Variants in INPP1 observed in about 807,000 individuals in gnomAD.
INPP1 encodes the protein inositol polyphosphate 1-phosphatase.
Under a neutral mutation model 23.0 loss-of-function variants are expected in INPP1, and 18 were observed. That is an observed-to-expected ratio of 0.78 (90% CI 0.54 to 1.16). INPP1 has a LOEUF of 1.16. Among genes scored for constraint, INPP1 ranks in the 50% most tolerant of loss-of-function variants. INPP1 has a pLI of 0.00. For missense variants in INPP1, 448 were observed against 482.1 expected, an observed-to-expected ratio of 0.93 and a Z score of 0.66; for synonymous variants, 164 against 176.3, an observed-to-expected ratio of 0.93 and a Z score of 0.55.
chr2:190,349,136 C>G (rs1460803983), intron 2 of INPP1, 105 bp downstream of exon 2: 4 of 152,160 alleles, frequency 2.6e-5, no homozygotes, highest in African/African-American at 9.7e-5. Context: ...ATGTTACATT[C>G]AAAATAGATT....
At chr2:190,351,885 TC>T (rs1318058208) in intron 2 of INPP1, among the ~76,000 whole-genome samples, 4 of 152,218 alleles carry the variant, frequency 2.6e-5, no homozygotes, top group African/African-American at 9.6e-5. Flanking sequence ...CAAATAGTTT[TC>T]CAAAATGATT....
At chr2:190,344,043 G>C in intron 1 of INPP1, 82 bp downstream of exon 1, 1 of 330,970 alleles carries the variant, frequency 3.0e-6, no homozygotes, top group South Asian at 2.2e-5. Context: ...GGCCCGGGCT[G>C]GTGAGCGGCG....
rs71027214 is a variant in INPP1, at chr2:190,354,925, G to GGTGT, written c.-64-5096_-64-5093dup. Among the ~76,000 whole-genome samples the GGTGT allele has an allele frequency of 0.24, 35,589 of 146,440 alleles. 4,649 individuals are homozygous for GGTGT. The highest frequency in any genetic ancestry group is 0.46 in the East Asian group (2,342 of 5,054). ...AACCTAGTGACAGATATCAACTAGGGGTGTGTGTGTGTGTGTGTGTGCATT... is the reference window on the plus strand; with the variant it reads ...AACCTAGTGACAGATATCAACTAGGGGTGTGTGTGTGTGTGTGTGTGTGTGCATT... On this transcript the variant is annotated intron_variant, in intron 2 of 6. Coordinates refer to ENST00000392329, the MANE Select transcript of INPP1 (RefSeq NM_001128928.2). The surrounding 1 kb of genome is among the most constrained non-coding windows in gnomAD (Gnocchi z 4.8).
intron 3 of INPP1, among the ~76,000 whole-genome samples, chr2:190,362,304 A>G (rs1040801892): frequency 6.6e-6 from 1 of 152,206 alleles, no homozygotes; most frequent in African/African-American, 2.4e-5. Flanking sequence ...TCCTTTGCAA[A>G]TATTCGAATT....
At chr2:190,359,080 A>G (rs906367921) in intron 2 of INPP1, among the ~76,000 whole-genome samples, 16 of 152,140 alleles carry the variant, frequency 1.1e-4, no homozygotes, top group African/African-American at 3.9e-4. Context: ...TAGGAGGATC[A>G]CTTGAGCGCA....
At chr2:190,347,212 A>C (rs971964899) in intron 1 of INPP1, among the ~76,000 whole-genome samples, 9 of 151,684 alleles carry the variant, frequency 5.9e-5, no homozygotes, top group East Asian at 1.9e-4. Flanking sequence ...GGGGTTTCAC[A>C]GTGTTAGCCA....
At position 190,362,604 on chromosome 2, in the gene INPP1, T is replaced by G. The variant is rs3791820; in HGVS notation, c.205-23T>G. 2.0e-5 allele frequency: 31 copies of G among 1,553,568 alleles called. No individual in the cohort carries two copies. In the South Asian group the frequency reaches 3.2e-4, roughly 16 times the overall value. On this transcript the variant is annotated intron_variant, in intron 3 of 6. Transcript: ENST00000392329. ...TATGTGTGGGTTTTTGTTTTGTTTT[T>G]CGTCATACTCTGAATCATTCAGTTT...
chr2:190,344,501 A>T (rs886844004), intron 1 of INPP1, among the ~76,000 whole-genome samples: 20 of 152,182 alleles, frequency 1.3e-4, no homozygotes, highest in African/African-American at 4.8e-4. Context: ...AATAAATATG[A>T]TGGGACTATA....
At chr2:190,369,369 C>A in intron 6 of INPP1, 92 bp downstream of exon 6, 1 of 599,972 alleles carries the variant, frequency 1.7e-6, no homozygotes, top group Non-Finnish European at 2.9e-6. Context: ...ATGACATTCC[C>A]ATGACTTAAC....
rs1424378918 is a variant in INPP1 at position 190,354,771 on chromosome 2, A to C, written c.-64-5268A>C. ...CCATCAATGCCATGACAGTTAAGGG[A>C]GACATCAGTGGAACTTAATAGATGA... On this transcript the variant is annotated intron_variant, in intron 2 of 6. Transcript: ENST00000392329. This position sits in a 1 kb window ranked among gnomAD's most constrained non-coding sequence, Gnocchi z 4.8. 6.6e-6 allele frequency among the ~76,000 whole-genome samples: 1 copy of C among 152,224 alleles called. No individual in the cohort carries two copies. The highest frequency in any genetic ancestry group is 1.9e-4 in the East Asian group (1 of 5,202).
At position 190,346,797 on chromosome 2, in the gene INPP1, G is replaced by T. The variant is rs1033811481; in HGVS notation, c.-208-2091G>T. Among the ~76,000 whole-genome samples the T allele has an allele frequency of 2.0e-5, 3 of 151,556 alleles. No homozygotes were observed. The highest frequency in any genetic ancestry group is 4.4e-5 in the Non-Finnish European group (3 of 67,892). On this transcript the variant is annotated intron_variant, in intron 1 of 6. Transcript: ENST00000392329. The surrounding 1 kb of genome is among the most constrained non-coding windows in gnomAD (Gnocchi z 5.1). ...TAATTTTTAAAATTGTAGAGATGGG[G>T]TCCCACTATGTTGCCCAGGTTGGTC...
chr2:190,367,372 A>G lies in INPP1; in HGVS notation c.466+477A>G, dbSNP rs1689701602. On this transcript the variant is annotated intron_variant, in intron 5 of 6. Coordinates refer to ENST00000392329, the MANE Select transcript of INPP1 (RefSeq NM_001128928.2). The surrounding 1 kb of genome is among the most constrained non-coding windows in gnomAD (Gnocchi z 4.1). ...TCCAAGGTTTTCAGCGATATATCCC[A>G]ATTTCTAACCGTTAGCTACTAATTC... 6.6e-6 allele frequency among the ~76,000 whole-genome samples: 1 copy of G among 152,190 alleles called. No homozygotes were observed. The highest frequency in any genetic ancestry group is 2.1e-4 in the South Asian group (1 of 4,830).
intron 6 of INPP1, among the ~76,000 whole-genome samples, chr2:190,370,284 G>A (rs1420258562): frequency 6.6e-6 from 1 of 152,136 alleles, no homozygotes; most frequent in East Asian, 1.9e-4. Flanking sequence ...CTGTAAATAT[G>A]TAACAACATA....
intron 1 of INPP1, among the ~76,000 whole-genome samples, chr2:190,347,761 AAAG>A (rs1689247670): frequency 6.6e-6 from 1 of 152,244 alleles, no homozygotes; most frequent in East Asian, 1.9e-4. Context: ...TCAAGTGACC[AAAG>A]AAAATTGTTC....
chr2:190,344,703 T>C (rs1689182469), intron 1 of INPP1, among the ~76,000 whole-genome samples: 1 of 152,228 alleles, frequency 6.6e-6, no homozygotes, highest in African/African-American at 2.4e-5. Context: ...AGTACATCTG[T>C]GAAAAACACT....
rs1360810656 is a variant in INPP1 at position 190,368,738 on chromosome 2, TC to T, written c.467-363del. The T allele has an allele frequency of 6.4e-6, 1 of 155,916 alleles. No individual in the cohort carries two copies. Among genetic ancestry groups the T allele is most frequent in the Admixed American group, 6.5e-5 (1 of 15,406 alleles). 9.7% of individuals were successfully genotyped at this position (155,916 alleles called of 1,614,324 possible). Reference sequence around the variant, plus strand: ...TTTTCACCCATTGGAAGGAGGCTTTTCCATCTCACATTGTACTAGTCCTCTG... The same window carrying T: ...TTTTCACCCATTGGAAGGAGGCTTTTCATCTCACATTGTACTAGTCCTCTG... On this transcript the variant is annotated intron_variant, in intron 5 of 6. Transcript: ENST00000392329. This position sits in a 1 kb window ranked among gnomAD's most constrained non-coding sequence, Gnocchi z 4.3.
chr2:190,369,306 T>C (rs1689753706), intron 6 of INPP1, 29 bp downstream of exon 6: 1 of 1,423,232 alleles, frequency 7.0e-7, no homozygotes. Context: ...TGGTATATTA[T>C]GGTTGTTAGA....
rs947023010 is a variant in INPP1 at position 190,343,785 on chromosome 2, G to C, written c.-385G>C. 1 of 153,096 alleles carries C rather than the reference G, an allele frequency of 6.5e-6. No individual in the cohort carries two copies. Among genetic ancestry groups the C allele is most frequent in the African/African-American group, 2.4e-5 (1 of 41,442 alleles). The allele number at this position is 153,096 out of a possible 1,614,324, so 9.5% of individuals were successfully genotyped here. ...TCGCCGGGGCTTCGCCTTCGCTCGC[G>C]TGACCTCCGCCGTCCTCCCCAACCC... On this transcript the variant is annotated 5_prime_UTR_variant, in exon 1 of 7. Coordinates refer to ENST00000392329, the MANE Select transcript of INPP1 (RefSeq NM_001128928.2).
intron 6 of INPP1, among the ~76,000 whole-genome samples, chr2:190,370,010 C>G (rs1201141553): frequency 6.6e-6 from 1 of 152,176 alleles, no homozygotes; most frequent in Non-Finnish European, 1.5e-5. Flanking sequence ...GTTTATACCT[C>G]TTAAGTTTTA....
Sources: gnomAD v4.1 joint callset for allele counts (sites outside exome capture counted in the v4.1 genomes callset) on GRCh38, gnomAD v4.1.1 for gene constraint, Gnocchi (gnomAD v3.1) non-coding constraint, MANE v1.5 for transcripts, NCBI Gene and HGNC (gene_info 2026-07-23, HGNC 2026-07-21) for gene names.